The following SLC44A5 variants were observed in gnomAD, a reference collection of about 807,000 sequenced individuals.
SLC44A5 encodes choline transporter-like protein 5.
SLC44A5 carries 57 observed loss-of-function variants against 101.8 expected under a neutral mutation model. The ratio of observed to expected loss-of-function variants is 0.56; its 90% CI spans 0.45 to 0.70. The LOEUF is 0.70. SLC44A5 is among the 30% of genes least tolerant of loss of function. SLC44A5 has a pLI of 0.00. For synonymous variants in SLC44A5, 281 were observed against 290.9 expected (o/e 0.97, Z 0.35); for missense variants, 737 against 853.1 (o/e 0.86, Z 1.70).
intron 3 of SLC44A5, among the ~76,000 whole-genome samples, chr1:75,386,278 T>C (rs367810784): frequency 6.6e-6 from 1 of 152,136 alleles, no homozygotes; most frequent in South Asian, 2.1e-4. Context: ...TGTCCCTGTT[T>C]GCAGATGACA....
intron 2 of SLC44A5, among the ~76,000 whole-genome samples, chr1:75,479,998 C>A (rs1002031327): frequency 1.3e-5 from 2 of 152,158 alleles, no homozygotes; most frequent in African/African-American, 2.4e-5. Context: ...ATGCAAAAAT[C>A]CTCAATAAAA....
intron 3 of SLC44A5, among the ~76,000 whole-genome samples, chr1:75,378,066 C>T (rs1299726849): frequency 1.3e-5 from 1 of 79,898 alleles, no homozygotes; most frequent in Non-Finnish European, 2.2e-5. Context: ...TGGTGCCCAA[C>T]GTGGAGGCTT....
At chr1:75,561,545 A>AT (rs1672518658) in intron 1 of SLC44A5, among the ~76,000 whole-genome samples, 1 of 152,204 alleles carries the variant, frequency 6.6e-6, no homozygotes, top group Non-Finnish European at 1.5e-5. Flanking sequence ...TTTCAATATC[A>AT]TAGGTATTCA....
chr1:75,300,550 G>T, intron 5 of SLC44A5, 62 bp downstream of exon 5: 2 of 1,097,590 alleles, frequency 1.8e-6, no homozygotes, highest in South Asian at 3.0e-5. Context: ...TTTTATATGT[G>T]ACACTGACTT....
the SLC44A5 span, among the ~76,000 whole-genome samples, chr1:75,670,757 C>T: frequency 6.6e-6 from 1 of 152,122 alleles, no homozygotes; most frequent in Non-Finnish European, 1.5e-5. Context: ...AACCACACCC[C>T]CTCTTCAAAG....
intron 2 of SLC44A5, among the ~76,000 whole-genome samples, chr1:75,468,668 C>T (rs1666948363): frequency 6.6e-6 from 1 of 151,964 alleles, no homozygotes; most frequent in Admixed American, 6.6e-5. Context: ...TTACCACAGG[C>T]TGGGAAAGGC....
At chr1:75,513,590 A>G (rs1292194273) in intron 2 of SLC44A5, among the ~76,000 whole-genome samples, 2 of 152,160 alleles carry the variant, frequency 1.3e-5, no homozygotes, top group African/African-American at 2.4e-5. Context: ...TCTTTTTTAC[A>G]TCTAAAACAA....
chr1:75,505,234 A>T (rs1221326051), intron 2 of SLC44A5, among the ~76,000 whole-genome samples: 2 of 152,014 alleles, frequency 1.3e-5, no homozygotes, highest in African/African-American at 4.8e-5. Context: ...TATTTTCTTT[A>T]TTCACATTTT....
At chr1:75,498,300 C>T (rs1254757818) in intron 2 of SLC44A5, among the ~76,000 whole-genome samples, 5 of 152,098 alleles carry the variant, frequency 3.3e-5, no homozygotes, top group African/African-American at 2.4e-5. Context: ...TAAACTTTCC[C>T]TTTCCCACAT....
the SLC44A5 span, among the ~76,000 whole-genome samples, chr1:75,619,079 A>AGGG: frequency 5.1e-4 from 49 of 96,572 alleles, no homozygotes; most frequent in African/African-American, 1.4e-3. Flanking sequence ...TCAAAAAAAA[A>AGGG]GGGGGGGGGG....
the SLC44A5 span, among the ~76,000 whole-genome samples, chr1:75,616,437 C>G: frequency 6.6e-6 from 1 of 152,220 alleles, no homozygotes; most frequent in Admixed American, 6.5e-5. Flanking sequence ...AGTCTGCCTC[C>G]GGCCTGCCTT....
intron 2 of SLC44A5, among the ~76,000 whole-genome samples, chr1:75,409,147 T>A (rs1663107196): frequency 6.6e-6 from 1 of 152,034 alleles, no homozygotes; most frequent in South Asian, 2.1e-4. Flanking sequence ...CACATGGACA[T>A]AAAGATGGGA....
chr1:75,257,682 A>G (rs1172605868), intron 6 of SLC44A5, among the ~76,000 whole-genome samples: 1 of 152,140 alleles, frequency 6.6e-6, no homozygotes, highest in Non-Finnish European at 1.5e-5. Flanking sequence ...GCATAACAGC[A>G]TTGCTCCAAA....
intron 2 of SLC44A5, among the ~76,000 whole-genome samples, chr1:75,482,733 T>C (rs1330458103): frequency 1.3e-5 from 2 of 152,194 alleles, no homozygotes; most frequent in Non-Finnish European, 2.9e-5. Flanking sequence ...AAATGGAAGA[T>C]CATAAAACAA....
At chr1:75,339,540 G>C in intron 4 of SLC44A5, 42 bp downstream of exon 4, 1 of 1,540,434 alleles carries the variant, frequency 6.5e-7, no homozygotes, top group East Asian at 2.3e-5. Context: ...AGCTTTCTGT[G>C]TATGTTTAAA....
intron 3 of SLC44A5, among the ~76,000 whole-genome samples, chr1:75,394,042 C>T (rs927434145): frequency 2.0e-5 from 3 of 152,124 alleles, no homozygotes; most frequent in Admixed American, 1.3e-4. Context: ...GGATCAGATA[C>T]AATTACCTAG....
intron 5 of SLC44A5, among the ~76,000 whole-genome samples, chr1:75,283,952 G>C (rs543455405): frequency 6.6e-6 from 1 of 152,072 alleles, no homozygotes; most frequent in East Asian, 1.9e-4. Context: ...CTTCAGATTT[G>C]TTCTTTTTGC....
At chr1:75,400,748 C>A (rs1190321975) in intron 2 of SLC44A5, among the ~76,000 whole-genome samples, 1 of 152,170 alleles carries the variant, frequency 6.6e-6, no homozygotes, top group Non-Finnish European at 1.5e-5. Context: ...CTTGCTTCTG[C>A]CAACCCTGAA....
chr1:75,404,877 C>T (rs867404389), intron 2 of SLC44A5, among the ~76,000 whole-genome samples: 8 of 152,250 alleles, frequency 5.3e-5, no homozygotes, highest in Middle Eastern at 3.4e-3. Context: ...GAGTTAAATG[C>T]CCCAATTTAA....
Sources: gnomAD v4.1 joint callset for allele counts (sites outside exome capture counted in the v4.1 genomes callset) on GRCh38, gnomAD v4.1.1 for gene constraint, MANE v1.5 for transcripts, NCBI Gene and HGNC (gene_info 2026-07-23, HGNC 2026-07-21) for gene names.